PGPEP1L: variants seen among roughly 807,000 people sequenced by gnomAD.
PGPEP1L encodes pyroglutamyl-peptidase 1-like protein.
In PGPEP1L, 7 loss-of-function variants were observed where a neutral mutation model predicts 6.0. That is an observed-to-expected ratio of 1.17 (90% CI 0.66 to 2.19). The LOEUF (loss-of-function observed/expected upper bound fraction) is 2.19, where lower values mean the gene tolerates loss of function less well. Among genes scored for constraint, PGPEP1L ranks in the 30% most tolerant of loss-of-function variants. The probability of loss-of-function intolerance (pLI) is 0.00; values close to 1 mark genes in which losing one functional copy is unlikely to be tolerated. For missense variants in PGPEP1L, 209 were observed against 192.5 expected (o/e 1.09, Z -0.51); for synonymous variants, 103 against 83.9 (o/e 1.23, Z -1.24).
intron 2 of PGPEP1L, among the ~76,000 whole-genome samples, chr15:98,979,753 G>T (rs574035187): frequency 7.0e-6 from 1 of 143,086 alleles, no homozygotes; most frequent in Admixed American, 7.5e-5. Context: ...GGGTTCAAGC[G>T]ATTCTTCTGC....
chr15:98,974,562 C>T (rs547263875), intron 2 of PGPEP1L, among the ~76,000 whole-genome samples: 3 of 152,116 alleles, frequency 2.0e-5, no homozygotes, highest in African/African-American at 4.8e-5. Flanking sequence ...TTCTACCAAA[C>T]ACTTAATGAG....
At chr15:98,984,075 G>C (rs567307667) in intron 2 of PGPEP1L, among the ~76,000 whole-genome samples, 1 of 145,924 alleles carries the variant, frequency 6.9e-6, no homozygotes, top group Non-Finnish European at 1.5e-5. Context: ...GGAGTGCAGT[G>C]GCGCAGCTCA....
At chr15:99,002,234 G>A (rs2017982585) in intron 2 of PGPEP1L, among the ~76,000 whole-genome samples, 1 of 152,124 alleles carries the variant, frequency 6.6e-6, no homozygotes, top group Non-Finnish European at 1.5e-5. Flanking sequence ...GGTCTCAGGT[G>A]ATCTGCCCAT....
chr15:98,994,174 G>A (rs2017856686), intron 2 of PGPEP1L, among the ~76,000 whole-genome samples: 1 of 152,124 alleles, frequency 6.6e-6, no homozygotes, highest in South Asian at 2.1e-4. Context: ...ACTGAGGCAG[G>A]AGAATAGCTT....
intron 3 of PGPEP1L, 113 bp from the exon 4 acceptor site, chr15:98,969,764 C>T: frequency 9.3e-7 from 1 of 1,076,218 alleles, no homozygotes; most frequent in Non-Finnish European, 1.4e-6. Context: ...CAAAACATCT[C>T]AAACCCCAAA....
At chr15:99,007,106 C>T (rs113551743) in intron 1 of PGPEP1L, among the ~76,000 whole-genome samples, 15,437 of 152,226 alleles carry the variant, frequency 0.1, 898 homozygotes, top group African/African-American at 0.14. Context: ...GAACAATTCC[C>T]TTTAATTAGC....
rs756285328 is a variant in PGPEP1L at position 98,971,126 on chromosome 15, T to G, written c.-109A>C. 6.3e-7 allele frequency: 1 copy of G among 1,579,028 alleles called. No homozygotes were observed. Among genetic ancestry groups the G allele is most frequent in the South Asian group, 1.1e-5 (1 of 90,620 alleles). The stretch of plus-strand genomic sequence containing the variant: ...GCTCCAGAGTCCGCAGCTGCACCAC[T>G]GTTTCATTCCCCAGGCCCAGCTTGG... On this transcript the variant is annotated 5_prime_UTR_variant, in exon 3 of 5. Coordinates refer to ENST00000535714, the MANE Select transcript of PGPEP1L (RefSeq NM_001167902.2).
Position 99,006,408 on chromosome 15 carries a change from C to G in PGPEP1L, c.-369-752G>C, listed in dbSNP as rs1332337881. Among the ~76,000 whole-genome samples, 3 of 152,262 alleles carry G rather than the reference C, an allele frequency of 2.0e-5. No individual in the cohort carries two copies. The East Asian group carries it at 5.8e-4, about 29-fold the overall frequency. On this transcript the variant is annotated intron_variant, in intron 1 of 4. Transcript: ENST00000535714. ...GCCACAGCCGTGGCATGCCACCTGG[C>G]TCTGCAGACAGTCCTCTTTTTAATG...
chr15:98,992,708 T>C (rs1445634944), intron 2 of PGPEP1L, among the ~76,000 whole-genome samples: 1 of 152,212 alleles, frequency 6.6e-6, no homozygotes, highest in Non-Finnish European at 1.5e-5. Context: ...ACTACAAGGC[T>C]GCAGTAACAA....
At chr15:98,982,951 T>C (rs1390222524) in intron 2 of PGPEP1L, among the ~76,000 whole-genome samples, 3 of 151,966 alleles carry the variant, frequency 2.0e-5, no homozygotes, top group Non-Finnish European at 4.4e-5. Flanking sequence ...CCTCAAGTGA[T>C]CCACCTGCCT....
At chr15:99,000,373 G>A (rs1596527971) in intron 2 of PGPEP1L, among the ~76,000 whole-genome samples, 1 of 152,224 alleles carries the variant, frequency 6.6e-6, no homozygotes, top group South Asian at 2.1e-4. Flanking sequence ...ACCACCCCAA[G>A]GGCTGAGGAG....
intron 2 of PGPEP1L, among the ~76,000 whole-genome samples, chr15:98,999,841 G>A (rs1225817879): frequency 5.3e-5 from 8 of 152,232 alleles, no homozygotes; most frequent in Non-Finnish European, 4.4e-5. Flanking sequence ...TCAATAAAAA[G>A]GAATGAAGTA....
chr15:98,989,367 T>A (rs1466816494), intron 2 of PGPEP1L, among the ~76,000 whole-genome samples: 1 of 151,916 alleles, frequency 6.6e-6, no homozygotes, highest in Non-Finnish European at 1.5e-5. Flanking sequence ...ATCGATCAAG[T>A]GGAAGAAAGG....
At chr15:98,988,059 G>C (rs946540572) in intron 2 of PGPEP1L, among the ~76,000 whole-genome samples, 1 of 152,198 alleles carries the variant, frequency 6.6e-6, no homozygotes, top group South Asian at 2.1e-4. Flanking sequence ...AACTGGACGG[G>C]GGTTTGGGCA....
intron 2 of PGPEP1L, among the ~76,000 whole-genome samples, chr15:98,975,717 C>A (rs1027291369): frequency 1.3e-5 from 2 of 152,066 alleles, no homozygotes; most frequent in African/African-American, 2.4e-5. Flanking sequence ...TCCGTCTCTA[C>A]TGAAAATACA....
In PGPEP1L at chr15:99,002,639, ATATT is replaced by A. The variant is rs377455928; in HGVS notation, c.-142+2786_-142+2789del. Among the ~76,000 whole-genome samples the A allele has an allele frequency of 7.6e-4, 86 of 113,324 alleles. 1 individual carries two copies. Among genetic ancestry groups the A allele is most frequent in the African/African-American group, 3.6e-3 (79 of 21,786 alleles). 74.3% of individuals were successfully genotyped at this position (113,324 alleles called of 152,430 possible). On this transcript the variant is annotated intron_variant, in intron 2 of 4. Transcript: ENST00000535714. The stretch of plus-strand genomic sequence containing the variant: ...TCTGTACACTTCTTGGCAAATTCCT[ATATT>A]TATTTCAAAATAAAAAGTTTTAAAA...
intron 1 of PGPEP1L, among the ~76,000 whole-genome samples, chr15:99,006,289 C>T (rs1486735770): frequency 6.6e-6 from 1 of 152,234 alleles, no homozygotes; most frequent in African/African-American, 2.4e-5. Context: ...TCTGTGCAAG[C>T]TTGCTAGCTC....
chr15:98,977,345 T>C (rs1054873288), intron 2 of PGPEP1L, among the ~76,000 whole-genome samples: 4 of 152,254 alleles, frequency 2.6e-5, no homozygotes, highest in Non-Finnish European at 5.9e-5. Context: ...TTTCTTCTGC[T>C]ATAATATTGT....
rs372037438 is a variant in PGPEP1L at position 98,987,209 on chromosome 15, A to G, written c.-141-16051T>C. ...AAAAAAAAAAAAGAGAGCCAATTTA[A>G]TTTTTGATATTCATATGGACATTTG... is the stretch of plus-strand genomic sequence containing the variant. On this transcript the variant is annotated intron_variant, in intron 2 of 4. Transcript: ENST00000535714. Among the ~76,000 whole-genome samples the G allele has an allele frequency of 2.7e-5, 4 of 145,712 alleles. No individual in the cohort carries two copies. In the East Asian group the frequency reaches 8.1e-4, roughly 30 times the overall value.
Sources: gnomAD v4.1 joint callset for allele counts (sites outside exome capture counted in the v4.1 genomes callset) on GRCh38, gnomAD v4.1.1 for gene constraint, MANE v1.5 for transcripts, NCBI Gene and HGNC (gene_info 2026-07-23, HGNC 2026-07-21) for gene names.